Variants in RBFOX1 observed in about 807,000 individuals in gnomAD.
RBFOX1 encodes the protein RNA binding fox-1 homolog 1, also known as RNA binding protein fox-1 homolog 1.
Under a neutral mutation model 57.7 loss-of-function variants are expected in RBFOX1, and 8 were observed. That is an observed-to-expected ratio of 0.14 (90% CI 0.08 to 0.25). The LOEUF (loss-of-function observed/expected upper bound fraction) is 0.25. Among genes scored for constraint, RBFOX1 ranks in the 10% least tolerant of loss-of-function variants. The pLI is 1.00. For missense variants in RBFOX1, 611 were observed against 548.5 expected, an observed-to-expected ratio of 1.11 and a Z score of -1.14; for synonymous variants, 326 against 222.4, an observed-to-expected ratio of 1.47 and a Z score of -4.15.
intron 4 of RBFOX1, among the ~76,000 whole-genome samples, chr16:7,487,528 T>A (rs1358559932): frequency 6.6e-6 from 1 of 152,168 alleles, no homozygotes; most frequent in Non-Finnish European, 1.5e-5. Flanking sequence ...GGATGAACAT[T>A]CCTTAAAGTG....
chr16:7,061,993 G>C (rs188718218), intron 4 of RBFOX1, among the ~76,000 whole-genome samples: 2 of 152,080 alleles, frequency 1.3e-5, no homozygotes, highest in Non-Finnish European at 2.9e-5. Context: ...CTTTCCTGAT[G>C]ATGCAGACAA....
intron 1 of RBFOX1, among the ~76,000 whole-genome samples, chr16:6,282,728 A>G (rs773296915): frequency 3.3e-5 from 5 of 152,018 alleles, no homozygotes; most frequent in African/African-American, 4.8e-5. Flanking sequence ...ATTCCTTTTT[A>G]TACTTTGCCC....
chr16:6,056,983 G>T (rs1402399191), intron 1 of RBFOX1: 3 of 151,976 alleles, frequency 2.0e-5, no homozygotes, highest in African/African-American at 7.3e-5. Flanking sequence ...AGAGTGAAAA[G>T]TGAGTTTGTG....
rs76116602 is a variant in RBFOX1, at chr16:6,913,313, A to G, written c.-15-138744A>G. ...CAGCCTGTGTCATGCTGTTCAAAAG[A>G]TTCAACTGGGGATAAGGAGAATGGT... On this transcript the variant is annotated intron_variant, in intron 3 of 15. Coordinates refer to ENST00000550418, the MANE Select transcript of RBFOX1 (RefSeq NM_018723.4). 8.5e-5 allele frequency among the ~76,000 whole-genome samples: 13 copies of G among 152,240 alleles called. No homozygotes were observed. In the East Asian group the frequency reaches 2.5e-3, roughly 29 times the overall value.
intron 1 of RBFOX1, among the ~76,000 whole-genome samples, chr16:5,380,131 C>A (rs1247471473): frequency 6.6e-6 from 1 of 152,194 alleles, no homozygotes; most frequent in African/African-American, 2.4e-5. Flanking sequence ...AGATTGTCGT[C>A]ATCCTTCCCG....
chr16:6,247,602 G>T lies in RBFOX1; in HGVS notation c.-126-69393G>T, dbSNP rs529564287. Among the ~76,000 whole-genome samples the T allele has an allele frequency of 6.6e-5, 10 of 152,244 alleles. No homozygotes were observed. The South Asian group carries it at 2.1e-3, about 32-fold the overall frequency. The stretch of plus-strand genomic sequence containing the variant: ...GTGCAAGAATTACTTTATTTTATCT[G>T]CAAAACAACCCTACAGGAGTCATAG... On this transcript the variant is annotated intron_variant, in intron 1 of 15. Coordinates refer to ENST00000550418, the MANE Select transcript of RBFOX1 (RefSeq NM_018723.4).
rs150780691 is a variant in RBFOX1, at chr16:6,128,039, A to T, written c.-127+108047A>T. On this transcript the variant is annotated intron_variant, in intron 1 of 15. Transcript: ENST00000550418. ...TCTGGAGCTGTGCTGTGAAGTCACT[A>T]GGCACATGTGACTTCTCAGTACTTC... Among the ~76,000 whole-genome samples, 34 of 152,304 alleles carry T rather than the reference A, an allele frequency of 2.2e-4. No individual in the cohort carries two copies. The East Asian group carries it at 6.4e-3, about 29-fold the overall frequency.
At chr16:7,680,062 G>A (rs939325203) in intron 14 of RBFOX1, among the ~76,000 whole-genome samples, 2 of 152,192 alleles carry the variant, frequency 1.3e-5, no homozygotes, top group East Asian at 1.9e-4. Flanking sequence ...AAGCATGGCA[G>A]AGGGGCCTTT....
At chr16:7,529,502 T>A (rs931214341) in intron 5 of RBFOX1, among the ~76,000 whole-genome samples, 1 of 152,238 alleles carries the variant, frequency 6.6e-6, no homozygotes, top group Non-Finnish European at 1.5e-5. Flanking sequence ...TATCCATCCA[T>A]CCAATCATTG....
chr16:6,913,537 C>G (rs571611108), intron 3 of RBFOX1, among the ~76,000 whole-genome samples: 2 of 152,114 alleles, frequency 1.3e-5, no homozygotes, highest in Admixed American at 6.5e-5. Flanking sequence ...AGCACTGAGC[C>G]CAGTGCCTGG....
intron 4 of RBFOX1, among the ~76,000 whole-genome samples, chr16:7,117,590 TA>T (rs1478805869): frequency 5.3e-5 from 8 of 152,214 alleles, no homozygotes; most frequent in Non-Finnish European, 1.0e-4. Context: ...AAAATGGGAA[TA>T]ATTAATTAAT....
Position 7,518,143 on chromosome 16 carries a change from TCAGGG to T in RBFOX1, c.28-3_29del. The T allele has an allele frequency of 6.2e-7, 1 of 1,607,942 alleles. No individual in the cohort carries two copies. Among genetic ancestry groups the T allele is most frequent in the Non-Finnish European group, 8.5e-7 (1 of 1,176,896 alleles). On this transcript the variant is annotated splice_acceptor_variant and splice_polypyrimidine_tract_variant and coding_sequence_variant and intron_variant, in exon 5 of 16. Transcript: ENST00000550418. LOFTEE classifies it high-confidence loss of function. ...TCCCTCTCTGCACCTTTTTGATTTTTCAGGGTAATCAGGAAGCAGCCGCTGCCCCT... is the reference window on the plus strand; with the variant it reads ...TCCCTCTCTGCACCTTTTTGATTTTTTAATCAGGAAGCAGCCGCTGCCCCT...
intron 4 of RBFOX1, among the ~76,000 whole-genome samples, chr16:7,365,997 T>C (rs573936531): frequency 1.3e-5 from 2 of 152,296 alleles, no homozygotes; most frequent in Admixed American, 6.5e-5. Flanking sequence ...TCCTGTGATA[T>C]CAGAACAGAA....
chr16:5,762,152 A>C (rs945593395), intron 3 of RBFOX1, among the ~76,000 whole-genome samples: 1 of 152,210 alleles, frequency 6.6e-6, no homozygotes, highest in Non-Finnish European at 1.5e-5. Context: ...CTCAGTAATT[A>C]TTAATTTTCT....
At chr16:7,134,401 G>C (rs770350943) in intron 4 of RBFOX1, among the ~76,000 whole-genome samples, 4 of 152,150 alleles carry the variant, frequency 2.6e-5, no homozygotes, top group Non-Finnish European at 5.9e-5. Flanking sequence ...TAGTGATGGT[G>C]ATTACTTCTT....
intron 3 of RBFOX1, among the ~76,000 whole-genome samples, chr16:5,808,216 G>A (rs987623013): frequency 6.6e-6 from 1 of 152,184 alleles, no homozygotes; most frequent in African/African-American, 2.4e-5. Context: ...CATGTACAGA[G>A]TGAAGACCAA....
chr16:6,194,128 C>T (rs908000153), intron 1 of RBFOX1, among the ~76,000 whole-genome samples: 3 of 152,114 alleles, frequency 2.0e-5, no homozygotes, highest in Non-Finnish European at 2.9e-5. Context: ...ACCGTTCCTT[C>T]CCTCATCCTC....
At chr16:6,808,367 C>T (rs556477219) in intron 3 of RBFOX1, among the ~76,000 whole-genome samples, 5 of 152,094 alleles carry the variant, frequency 3.3e-5, no homozygotes, top group Admixed American at 1.3e-4. Context: ...CCTTGTCACT[C>T]CCTTCAATGC....
At chr16:6,810,052 G>A (rs1268815584) in intron 3 of RBFOX1, among the ~76,000 whole-genome samples, 5 of 144,462 alleles carry the variant, frequency 3.5e-5, no homozygotes, top group African/African-American at 7.7e-5. Flanking sequence ...CTGTTAATAA[G>A]TAGACAATGC....
Sources: gnomAD v4.1 joint callset for allele counts (sites outside exome capture counted in the v4.1 genomes callset) on GRCh38, gnomAD v4.1.1 for gene constraint, MANE v1.5 for transcripts, NCBI Gene and HGNC (gene_info 2026-07-23, HGNC 2026-07-21) for gene names.